The following OTULIN variants were observed in gnomAD, a reference collection of about 807,000 sequenced individuals.
OTULIN encodes the protein ubiquitin thioesterase otulin.
Under a neutral mutation model 39.6 loss-of-function variants are expected in OTULIN, and 15 were observed. The observed-to-expected ratio is 0.38, with a 90% CI of 0.25 to 0.58. The LOEUF (loss-of-function observed/expected upper bound fraction) is 0.58, where lower values mean the gene tolerates loss of function less well. Ranked by LOEUF, OTULIN falls within the 20% of genes least tolerant of loss-of-function variation. The pLI is 0.66. For synonymous variants in OTULIN, 156 were observed against 170.3 expected (o/e 0.92, Z 0.65); for missense variants, 319 against 445.9 (o/e 0.72, Z 2.56).
chr5:14,691,335 G>T (rs2126336909), intron 6 of OTULIN, among the ~76,000 whole-genome samples: 1 of 152,334 alleles, frequency 6.6e-6, no homozygotes, highest in Admixed American at 6.5e-5. Context: ...TCCATTCTGA[G>T]CTGTCCTGGA....
At chr5:14,710,284 A>G in the OTULIN span, 2 of 152,370 alleles carry the variant, frequency 1.3e-5, no homozygotes, top group African/African-American at 4.8e-5. Context: ...TGTAAAAACT[A>G]AAATGCAAAG....
At position 14,690,878 on chromosome 5, in the gene OTULIN, G is replaced by A. The variant is rs1736508745; in HGVS notation, c.864+570G>A. 6.6e-6 allele frequency among the ~76,000 whole-genome samples: 1 copy of A among 152,198 alleles called. No homozygotes were observed. Among genetic ancestry groups the A allele is most frequent in the African/African-American group, 2.4e-5 (1 of 41,446 alleles). On this transcript the variant is annotated intron_variant, in intron 6 of 6. Transcript: ENST00000284274. The surrounding 1 kb of genome is among the most constrained non-coding windows in gnomAD (Gnocchi z 4.5). Reference sequence around the variant, plus strand: ...AGCCTGGGCTTTATTCTTCAGAGGGGTGGATGGGATTAGTACTCTTGGCTC... The same window carrying A: ...AGCCTGGGCTTTATTCTTCAGAGGGATGGATGGGATTAGTACTCTTGGCTC...
chr5:14,665,826 G>A (rs1480413437), intron 1 of OTULIN, among the ~76,000 whole-genome samples: 1 of 152,180 alleles, frequency 6.6e-6, no homozygotes, highest in East Asian at 1.9e-4. Context: ...CTGTTAGGTA[G>A]ATATTGTGTT....
chr5:14,694,760 G>A lies in OTULIN; in HGVS notation c.*1712G>A, dbSNP rs1736622895. On this transcript the variant is annotated 3_prime_UTR_variant, in exon 7 of 7. Transcript: ENST00000284274. ...AAATGTGTGTGAATATGTTGGAGAG[G>A]CTTTGTGTTCTTCACTGTGAAATGC... 6.6e-6 allele frequency: 1 copy of A among 152,590 alleles called. No homozygotes were observed. Among genetic ancestry groups the A allele is most frequent in the Admixed American group, 6.5e-5 (1 of 15,280 alleles). 9.5% of individuals were successfully genotyped at this position (152,590 alleles called of 1,614,324 possible). A position where few individuals can be genotyped will look rare whatever the true frequency, so the allele number is the denominator to read the frequency against.
chr5:14,674,182 A>G (rs1304537421), intron 2 of OTULIN: 1 of 153,896 alleles, frequency 6.5e-6, no homozygotes, highest in Non-Finnish European at 1.4e-5. Context: ...TTGTGATTTC[A>G]TGTCTGTGTT....
Position 14,690,331 on chromosome 5 carries a change from T to C in OTULIN, c.864+23T>C. On this transcript the variant is annotated intron_variant, in intron 6 of 6. Coordinates refer to ENST00000284274, the MANE Select transcript of OTULIN (RefSeq NM_138348.6). The surrounding 1 kb of genome is among the most constrained non-coding windows in gnomAD (Gnocchi z 4.5). ...CAGGTAAGTTGTGCTTTTGAGCATG[T>C]ATTACCCCAAAATAAAGCAGCTTTA... 1 of 1,604,678 alleles carries C rather than the reference T, an allele frequency of 6.2e-7. No individual in the cohort carries two copies. Among genetic ancestry groups the C allele is most frequent in the Non-Finnish European group, 8.5e-7 (1 of 1,175,448 alleles).
intron 1 of OTULIN, among the ~76,000 whole-genome samples, chr5:14,671,934 A>T (rs1735987008): frequency 6.6e-6 from 1 of 152,138 alleles, no homozygotes; most frequent in African/African-American, 2.4e-5. Flanking sequence ...TGCCCTTTTG[A>T]CAGGTGGTTA....
intron 1 of OTULIN, among the ~76,000 whole-genome samples, chr5:14,671,484 T>G (rs1735976995): frequency 6.6e-6 from 1 of 152,252 alleles, no homozygotes; most frequent in Admixed American, 6.5e-5. Flanking sequence ...GGATTGGAAT[T>G]TGTCCCTTAT....
At chr5:14,670,710 T>C (rs1735958786) in intron 1 of OTULIN, among the ~76,000 whole-genome samples, 1 of 152,178 alleles carries the variant, frequency 6.6e-6, no homozygotes, top group Admixed American at 6.5e-5. Flanking sequence ...GCTTAAGTGA[T>C]CCTCTCTCCT....
rs1351541004 is a variant in OTULIN, at chr5:14,698,125, TG to T, written c.*5079del. The T allele has an allele frequency of 6.6e-6, 1 of 152,236 alleles. No homozygotes were observed. The highest frequency in any genetic ancestry group is 1.5e-5 in the Non-Finnish European group (1 of 68,046). The allele number at this position is 152,236 out of a possible 1,614,324, so 9.4% of individuals were successfully genotyped here. On this transcript the variant is annotated 3_prime_UTR_variant, in exon 7 of 7. Coordinates refer to ENST00000284274, the MANE Select transcript of OTULIN (RefSeq NM_138348.6). ...TTCCATTGTTTTTATAAAAATATTTTGGTATTGTTGCCTGCATTTTAGCCAC... is the reference window on the plus strand; with the variant it reads ...TTCCATTGTTTTTATAAAAATATTTTGTATTGTTGCCTGCATTTTAGCCAC...
chr5:14,702,689 C>T (rs570704615), downstream of OTULIN, among the ~76,000 whole-genome samples: 1 of 152,196 alleles, frequency 6.6e-6, no homozygotes, highest in South Asian at 2.1e-4. Flanking sequence ...AGATACAGGC[C>T]GCTCTCCTCA....
intron 4 of OTULIN, among the ~76,000 whole-genome samples, chr5:14,685,936 CAT>C (rs749714366): frequency 6.6e-6 from 1 of 152,208 alleles, no homozygotes; most frequent in African/African-American, 2.4e-5. Context: ...AGAACTGCCA[CAT>C]GTTGCCGAAA....
At chr5:14,677,233 G>A (rs1736125680) in intron 2 of OTULIN, among the ~76,000 whole-genome samples, 1 of 152,050 alleles carries the variant, frequency 6.6e-6, no homozygotes, top group Non-Finnish European at 1.5e-5. Context: ...ATAAGTGCTT[G>A]TTGTCTTTTC....
chr5:14,707,563 G>C, the OTULIN span: 1 of 152,206 alleles, frequency 6.6e-6, no homozygotes, highest in Non-Finnish European at 1.5e-5. Flanking sequence ...AGCTGGCCCC[G>C]CTGCGACGCA....
rs1736578111 is a variant in OTULIN at position 14,693,208 on chromosome 5, A to C, written c.*160A>C. 3.3e-6 allele frequency: 2 copies of C among 612,626 alleles called. No individual in the cohort carries two copies. Among genetic ancestry groups the C allele is most frequent in the Non-Finnish European group, 5.6e-6 (2 of 359,322 alleles). The allele number at this position is 612,626 out of a possible 1,614,324, so 37.9% of individuals were successfully genotyped here. A position where few individuals can be genotyped will look rare whatever the true frequency, so the allele number is the denominator to read the frequency against. Reference sequence around the variant, plus strand: ...AGGATGTCCTGAAGACTAGCTTTTGATAAGAGAAATTAACCAAGTCTTTCC... The same window carrying C: ...AGGATGTCCTGAAGACTAGCTTTTGCTAAGAGAAATTAACCAAGTCTTTCC... On this transcript the variant is annotated 3_prime_UTR_variant, in exon 7 of 7. Transcript: ENST00000284274.
the OTULIN span, chr5:14,710,775 C>T: frequency 1.9e-5 from 4 of 205,676 alleles, no homozygotes; most frequent in African/African-American, 9.4e-5. Flanking sequence ...GAGTTTTAAC[C>T]TGTTGATTCT....
chr5:14,668,770 A>T (rs1383967379), intron 1 of OTULIN, among the ~76,000 whole-genome samples: 3 of 152,088 alleles, frequency 2.0e-5, no homozygotes. Flanking sequence ...ATTAGAATTG[A>T]TTTTTTTTCT....
the OTULIN span, among the ~76,000 whole-genome samples, chr5:14,714,751 A>T: frequency 6.6e-6 from 1 of 152,160 alleles, no homozygotes; most frequent in South Asian, 2.1e-4. Context: ...AACAGATTGC[A>T]AAGAGTGGCA....
chr5:14,686,917 A>G lies in OTULIN; in HGVS notation c.469-604A>G, dbSNP rs575377556. 7.2e-5 allele frequency among the ~76,000 whole-genome samples: 11 copies of G among 152,324 alleles called. No individual in the cohort carries two copies. In the East Asian group the frequency reaches 7.7e-4, roughly 11 times the overall value. On this transcript the variant is annotated intron_variant, in intron 4 of 6. Transcript: ENST00000284274. ...CACTTAACCCTGCCTCTGATTTTCA[A>G]TTGTATGTTTTATCTTAATAGATCG...
Sources: allele counts gnomAD v4.1 joint callset (sites outside exome capture counted in the v4.1 genomes callset), GRCh38; gene constraint gnomAD v4.1.1; non-coding constraint Gnocchi (gnomAD v3.1); transcripts MANE v1.5; gene names NCBI Gene and HGNC (gene_info 2026-07-23, HGNC 2026-07-21).